Variants in VPS35L observed in about 807,000 individuals in gnomAD.
The protein encoded by VPS35L is VPS35 endosomal protein sorting factor like, also known as VPS35 endosomal protein-sorting factor-like.
Under a neutral mutation model 133.0 loss-of-function variants are expected in VPS35L, and 83 were observed. That is an observed-to-expected ratio of 0.62 (90% CI 0.52 to 0.75). The LOEUF (loss-of-function observed/expected upper bound fraction) is 0.75. Ranked by LOEUF, VPS35L falls within the 30% of genes least tolerant of loss-of-function variation. The pLI, the probability that VPS35L is intolerant of heterozygous loss-of-function variation, is 0.00. For synonymous variants in VPS35L, 423 were observed against 449.9 expected, an observed-to-expected ratio of 0.94 and a Z score of 0.76; for missense variants, 1,083 against 1,206.8, an observed-to-expected ratio of 0.90 and a Z score of 1.52.
chr16:19,631,935 T>C (rs187260624), intron 18 of VPS35L, among the ~76,000 whole-genome samples: 1 of 149,282 alleles, frequency 6.7e-6, no homozygotes. Flanking sequence ...CTAAATACAT[T>C]ATTCTAAGGA....
At chr16:19,573,808 A>G (rs987554621) in intron 4 of VPS35L, among the ~76,000 whole-genome samples, 1 of 152,046 alleles carries the variant, frequency 6.6e-6, no homozygotes, top group Admixed American at 6.5e-5. Context: ...GTGAGACCCT[A>G]TCTCAAAAAA....
chr16:19,644,898 TGAG>T lies in VPS35L; in HGVS notation c.1881_1883del (p.Glu627del), dbSNP rs1973890254. 1.3e-6 allele frequency: 2 copies of T among 1,599,784 alleles called. No individual in the cohort carries two copies. Among genetic ancestry groups the T allele is most frequent in the East Asian group, 2.2e-5 (1 of 44,752 alleles). On this transcript the variant is annotated inframe_deletion, in exon 23 of 31. Coordinates refer to ENST00000417362, the MANE Select transcript of VPS35L (RefSeq NM_020314.7). ...TTATTGATTTTAGTGCACTCACTCT[TGAG>T]GATGAGAAAAGAATGCTGTCATATT... is the stretch of plus-strand genomic sequence containing the variant.
At chr16:19,692,806 T>C (rs894865180) in intron 29 of VPS35L, among the ~76,000 whole-genome samples, 4 of 152,134 alleles carry the variant, frequency 2.6e-5, no homozygotes, top group Admixed American at 2.6e-4. Flanking sequence ...CAAGTGATCC[T>C]CTTGCCTCAG....
intron 12 of VPS35L, among the ~76,000 whole-genome samples, chr16:19,612,139 A>G (rs1188324179): frequency 6.6e-6 from 1 of 151,946 alleles, no homozygotes; most frequent in Non-Finnish European, 1.5e-5. Flanking sequence ...GGGTTTCACC[A>G]TGTTGGCCAT....
intron 22 of VPS35L, among the ~76,000 whole-genome samples, 171 bp downstream of exon 22, chr16:19,642,647 G>GGT (rs1303764116): frequency 6.6e-6 from 1 of 152,222 alleles, no homozygotes; most frequent in Non-Finnish European, 1.5e-5. Context: ...AGGAGGCTGA[G>GGT]GTTAACCTTC....
intron 6 of VPS35L, among the ~76,000 whole-genome samples, chr16:19,581,004 G>C (rs1277989959): frequency 2.0e-5 from 3 of 152,086 alleles, no homozygotes; most frequent in Non-Finnish European, 4.4e-5. Flanking sequence ...CCATAGAATT[G>C]TGTTTTCTCC....
chr16:19,602,434 G>C (rs1972414369), intron 9 of VPS35L, among the ~76,000 whole-genome samples: 1 of 152,032 alleles, frequency 6.6e-6, no homozygotes, highest in South Asian at 2.1e-4. Context: ...GAGGTGAATA[G>C]AAAGTGTTTG....
In VPS35L at chr16:19,601,659, C is replaced by T; in HGVS notation, c.725-5C>T. 3 of 1,614,050 alleles carry T rather than the reference C, an allele frequency of 1.9e-6. No homozygotes were observed. Among genetic ancestry groups the T allele is most frequent in the Non-Finnish European group, 2.5e-6 (3 of 1,179,954 alleles). On this transcript the variant is annotated splice_polypyrimidine_tract_variant and splice_region_variant and intron_variant, in intron 8 of 30. Coordinates refer to ENST00000417362, the MANE Select transcript of VPS35L (RefSeq NM_020314.7). ...TACTAACACCATCTGTCCTTTTCCT[C>T]CCAGGAAAGCTCGTGTACGAGCGCA...
intron 26 of VPS35L, among the ~76,000 whole-genome samples, chr16:19,654,476 A>G (rs534001046): frequency 1.3e-5 from 2 of 151,796 alleles, no homozygotes; most frequent in South Asian, 4.2e-4. Context: ...CAACAATCGC[A>G]TGAACCTGGG....
chr16:19,615,552 A>G (rs1490000341), intron 12 of VPS35L, among the ~76,000 whole-genome samples: 2 of 152,158 alleles, frequency 1.3e-5, no homozygotes, highest in Non-Finnish European at 2.9e-5. Flanking sequence ...TGGGAGGCTG[A>G]GGCAGGAGAA....
chr16:19,568,992 A>AC (rs1971277268), intron 2 of VPS35L, among the ~76,000 whole-genome samples: 1 of 152,172 alleles, frequency 6.6e-6, no homozygotes, highest in Admixed American at 6.5e-5. Flanking sequence ...GCAAAAAAAA[A>AC]GTACCTGGTT....
intron 27 of VPS35L, among the ~76,000 whole-genome samples, chr16:19,679,785 G>C (rs1016835267): frequency 1.3e-5 from 2 of 152,266 alleles, no homozygotes; most frequent in East Asian, 1.9e-4. Context: ...GATTACAGGC[G>C]TGAGCCACCG....
chr16:19,584,831 A>G (rs950227890), intron 7 of VPS35L, among the ~76,000 whole-genome samples: 1 of 152,064 alleles, frequency 6.6e-6, no homozygotes, highest in Non-Finnish European at 1.5e-5. Context: ...AGCTGGGACT[A>G]TAGGCACATA....
intron 21 of VPS35L, among the ~76,000 whole-genome samples, chr16:19,641,860 T>A: frequency 6.6e-6 from 1 of 152,214 alleles, no homozygotes; most frequent in Non-Finnish European, 1.5e-5. Flanking sequence ...ACAGTTTTTC[T>A]GTGATTTTGC....
intron 29 of VPS35L, 40 bp downstream of exon 29, chr16:19,691,511 G>T (rs769390958): frequency 6.6e-7 from 1 of 1,512,078 alleles, no homozygotes; most frequent in Non-Finnish European, 9.2e-7. Flanking sequence ...CCCTTGCTCT[G>T]AAAGCACAAG....
chr16:19,578,279 C>CTT (rs1971596200), intron 5 of VPS35L: 11 of 443,382 alleles, frequency 2.5e-5, no homozygotes, highest in South Asian at 1.1e-4. Context: ...ACATTTCTTT[C>CTT]TTTTTTCTTT....
chr16:19,638,888 T>C (rs1425573929), intron 20 of VPS35L, among the ~76,000 whole-genome samples: 1 of 152,176 alleles, frequency 6.6e-6, no homozygotes, highest in Non-Finnish European at 1.5e-5. Flanking sequence ...GCAGATCACC[T>C]GAGACCAGGA....
chr16:19,587,236 C>G (rs1971895202), intron 7 of VPS35L, among the ~76,000 whole-genome samples: 1 of 152,302 alleles, frequency 6.6e-6, no homozygotes, highest in African/African-American at 2.4e-5. Flanking sequence ...TCCTCCAACA[C>G]TGGGGATTAC....
At chr16:19,576,316 C>T (rs560656335) in intron 5 of VPS35L, among the ~76,000 whole-genome samples, 1 of 152,172 alleles carries the variant, frequency 6.6e-6, no homozygotes, top group South Asian at 2.1e-4. Context: ...TGCCTTAAGT[C>T]TTTTCCCTTG....
Sources: gnomAD v4.1 joint callset for allele counts (sites outside exome capture counted in the v4.1 genomes callset) on GRCh38, gnomAD v4.1.1 for gene constraint, MANE v1.5 for transcripts, NCBI Gene and HGNC (gene_info 2026-07-23, HGNC 2026-07-21) for gene names.